GTF3C1: variants seen among roughly 807,000 people sequenced by gnomAD.
GTF3C1 encodes general transcription factor IIIC subunit 1, also known as general transcription factor 3C polypeptide 1.
Under a neutral mutation model 226.7 loss-of-function variants are expected in GTF3C1, and 57 were observed. That is an observed-to-expected ratio of 0.25 (90% CI 0.20 to 0.31). GTF3C1 has a LOEUF of 0.31. Among genes scored for constraint, GTF3C1 ranks in the 10% least tolerant of loss-of-function variants. The probability of loss-of-function intolerance (pLI) is 1.00; values close to 1 mark genes in which losing one functional copy is unlikely to be tolerated. For synonymous variants in GTF3C1, 1,090 were observed against 1,084.8 expected, an observed-to-expected ratio of 1.00 and a Z score of -0.09; for missense variants, 2,217 against 2,776.1, an observed-to-expected ratio of 0.80 and a Z score of 4.53.
At position 27,486,140 on chromosome 16, in the gene GTF3C1, C is replaced by G; in HGVS notation, c.3715G>C (p.Glu1239Gln). Residue 1239 changes from glutamate (E) to glutamine (Q), a missense_variant, in exon 24 of 37, where the codon GAA (glutamate) becomes CAA (glutamine). Around this residue, in one of 12 missense-constraint regions of GTF3C1, gnomAD observed 546 missense variants for 663.0 expected, o/e 0.82. Transcript: ENST00000356183. ...TGGTAGCGCAGCCTTTTGCTTTTTT[C>G]TCCTGGGAACTCTCCTAAAAACACC... The part of the protein sequence containing the change: ...KRKKKGEFPG[E>Q]KSKRLRYHDE... 5 of 1,599,656 alleles carry G rather than the reference C, an allele frequency of 3.1e-6. No homozygotes were observed.
chr16:27,500,872 A>T (rs1054020852), intron 12 of GTF3C1, among the ~76,000 whole-genome samples: 2 of 152,154 alleles, frequency 1.3e-5, no homozygotes, highest in African/African-American at 4.8e-5. Flanking sequence ...TAAATTTCCC[A>T]CCTAAATGTT....
At position 27,495,349 on chromosome 16, in the gene GTF3C1, T is replaced by C. The variant is rs1458979729; in HGVS notation, c.2494A>G (p.Ile832Val). The change falls in exon 15 of 37, where the codon ATA becomes GTA. Residue 832 changes from isoleucine to valine, a missense_variant. Ile to Val is a conservative substitution (Grantham distance 29). Coordinates refer to ENST00000356183, the MANE Select transcript of GTF3C1 (RefSeq NM_001520.4). ...KPSFISERRT[I>V]KQESGRAGVR... ...CCTGCCCTGCCTGACTCCTGCTTTA[T>C]CGTTCTCCGTTCACTGATGAAGCTT... is the stretch of plus-strand genomic sequence containing the variant. The C allele has an allele frequency of 6.2e-7, 1 of 1,614,202 alleles. No homozygotes were observed.
rs1317811519 is a variant in GTF3C1 at position 27,462,454 on chromosome 16, G to A, written c.5957C>T (p.Pro1986Leu). 3 of 1,613,702 alleles carry A rather than the reference G, an allele frequency of 1.9e-6. No individual in the cohort carries two copies. Among genetic ancestry groups the A allele is most frequent in the Non-Finnish European group, 2.5e-6 (3 of 1,179,784 alleles). ...DCESVCFIGR[P>L]WRVVDGHLNL... Reference sequence around the variant, plus strand: ...CAGGTGGCCATCCACGACACGCCACGGCCGGCCGATGAAGCAGACACTCTC... The same window carrying A: ...CAGGTGGCCATCCACGACACGCCACAGCCGGCCGATGAAGCAGACACTCTC... The change falls in exon 36 of 37, where the codon CCG (proline) becomes CTG (leucine). Residue 1986 changes from proline to leucine, a missense_variant. Coordinates refer to ENST00000356183, the MANE Select transcript of GTF3C1 (RefSeq NM_001520.4). This position sits in a 1 kb window ranked among gnomAD's most constrained non-coding sequence, Gnocchi z 4.5.
At chr16:27,517,388 G>A (rs141413873) in intron 6 of GTF3C1, among the ~76,000 whole-genome samples, 14 of 152,152 alleles carry the variant, frequency 9.2e-5, no homozygotes, top group African/African-American at 2.4e-4. Context: ...CCGAATAAGC[G>A]CACGTCATCC....
intron 7 of GTF3C1, among the ~76,000 whole-genome samples, chr16:27,511,545 CT>C (rs1309493056): frequency 1.3e-5 from 2 of 152,172 alleles, no homozygotes; most frequent in African/African-American, 4.8e-5. Flanking sequence ...ACTCAGAGAC[CT>C]CATTAAAATC....
intron 2 of GTF3C1, among the ~76,000 whole-genome samples, chr16:27,544,384 C>CA (rs1347060362): frequency 2.7e-5 from 4 of 146,128 alleles, no homozygotes; most frequent in East Asian, 2.1e-4. Context: ...GACTCTGTCT[C>CA]AAAAAAAAGA....
intron 2 of GTF3C1, among the ~76,000 whole-genome samples, chr16:27,544,546 G>T (rs890834469): frequency 6.6e-6 from 1 of 151,996 alleles, no homozygotes; most frequent in African/African-American, 2.4e-5. Flanking sequence ...TCCGAGATGA[G>T]AGTAGACAGG....
Position 27,464,336 on chromosome 16 carries a change from G to C in GTF3C1, c.5856C>G (p.Gly1952=). The change falls in exon 34 of 37, where the codon GGC becomes GGG. Residue 1952 remains glycine (G), a synonymous_variant. Transcript: ENST00000356183. ...QLSGQAQPPE[G]SEDPRGFTES... ...GCGCGGTACCTCTGGGGTCTTCAGA[G>C]CCCTCTGGAGGCTGCGCCTGGCCGC... 1 of 1,511,626 alleles carries C rather than the reference G, an allele frequency of 6.6e-7. No homozygotes were observed. The highest frequency in any genetic ancestry group is 8.8e-7 in the Non-Finnish European group (1 of 1,133,694). The allele number at this position is 1,511,626 out of a possible 1,614,324, so 93.6% of individuals were successfully genotyped here.
Position 27,463,720 on chromosome 16 carries a change from A to G in GTF3C1, c.5873-128T>C. 4 of 731,458 alleles carry G rather than the reference A, an allele frequency of 5.5e-6. No homozygotes were observed. The highest frequency in any genetic ancestry group is 9.9e-6 in the Non-Finnish European group (4 of 404,046). 45.3% of individuals were successfully genotyped at this position (731,458 alleles called of 1,614,324 possible). On this transcript the variant is annotated intron_variant, in intron 34 of 36. Transcript: ENST00000356183. The surrounding 1 kb of genome is among the most constrained non-coding windows in gnomAD (Gnocchi z 4.9). ...GGCTCAGGGGATGAAGTGTCAAAAA[A>G]AAAGGACAATGAGCATCTCACAGAG...
At chr16:27,517,301 C>T (rs924394905) in intron 6 of GTF3C1, among the ~76,000 whole-genome samples, 1 of 152,174 alleles carries the variant, frequency 6.6e-6, no homozygotes, top group Admixed American at 6.5e-5. Context: ...CCCTCTGGCT[C>T]CTATTTGCCT....
intron 32 of GTF3C1, among the ~76,000 whole-genome samples, chr16:27,467,526 T>C (rs537230840): frequency 7.9e-5 from 12 of 152,376 alleles, no homozygotes; most frequent in African/African-American, 2.2e-4. Flanking sequence ...ATCCATTCTG[T>C]ACCCCATGGA....
At chr16:27,503,078 C>T in intron 10 of GTF3C1, 83 bp from the exon 11 acceptor site, 1 of 1,019,824 alleles carries the variant, frequency 9.8e-7, no homozygotes, top group Non-Finnish European at 1.5e-6. Context: ...GTGCACTGGC[C>T]CTCTTCAAGA....
At chr16:27,488,763 A>T in intron 21 of GTF3C1, 128 bp from the exon 22 acceptor site, 1 of 774,948 alleles carries the variant, frequency 1.3e-6, no homozygotes, top group Non-Finnish European at 2.1e-6. Context: ...CAGGGGCTGG[A>T]GTCTCCTGCC....
chr16:27,465,695 C>T (rs2087777701), intron 32 of GTF3C1, 155 bp from the exon 33 acceptor site: 1 of 627,054 alleles, frequency 1.6e-6, no homozygotes, highest in South Asian at 2.0e-5. Flanking sequence ...CACACTGGGC[C>T]CCTGGCAGTC....
chr16:27,508,704 C>A, intron 7 of GTF3C1, 49 bp from the exon 8 acceptor site: 1 of 1,354,294 alleles, frequency 7.4e-7, no homozygotes, highest in Non-Finnish European at 1.0e-6. Flanking sequence ...AGGAGCTGTT[C>A]TGCACAAGTC....
At chr16:27,482,711 C>T (rs1320865720) in intron 26 of GTF3C1, 2 of 439,812 alleles carry the variant, frequency 4.5e-6, no homozygotes, top group Non-Finnish European at 9.1e-6. Flanking sequence ...GGACAGAAAA[C>T]TCGGAAAGAA....
At chr16:27,475,948 G>C (rs1299562415) in intron 29 of GTF3C1, among the ~76,000 whole-genome samples, 6 of 152,126 alleles carry the variant, frequency 3.9e-5, no homozygotes, top group African/African-American at 1.4e-4. Context: ...CTCAGCTCTG[G>C]GAGGGATTGT....
chr16:27,488,715 G>A, intron 21 of GTF3C1, 80 bp from the exon 22 acceptor site: 6 of 1,204,660 alleles, frequency 5.0e-6, no homozygotes, highest in Non-Finnish European at 7.3e-6. Context: ...ATGCACCGAG[G>A]TCTCTTAGGA....
chr16:27,473,141 C>T (rs1319780529), intron 29 of GTF3C1, among the ~76,000 whole-genome samples: 1 of 152,222 alleles, frequency 6.6e-6, no homozygotes, highest in Non-Finnish European at 1.5e-5. Context: ...AACTCCTGGC[C>T]TCATCCTGCC....
Sources: allele counts gnomAD v4.1 joint callset (sites outside exome capture counted in the v4.1 genomes callset), GRCh38; gene constraint gnomAD v4.1.1; regional missense constraint gnomAD v4.1.1; non-coding constraint Gnocchi (gnomAD v3.1); transcripts MANE v1.5; gene names NCBI Gene and HGNC (gene_info 2026-07-23, HGNC 2026-07-21).